The following PABPC4L variants were observed in gnomAD, a reference collection of about 807,000 sequenced individuals.
The protein encoded by PABPC4L is poly(A) binding protein cytoplasmic 4 like.
For synonymous variants in PABPC4L, 169 were observed against 164.1 expected (o/e 1.03, Z -0.23); for missense variants, 452 against 451.4 (o/e 1.00, Z -0.01).
the PABPC4L span, among the ~76,000 whole-genome samples, chr4:134,069,988 G>GTTT: frequency 0.43 from 45,761 of 107,540 alleles, 9,930 homozygotes; most frequent in East Asian, 0.85. Context: ...CCTTTGGAGG[G>GTTT]TTTTTTTTTT....
At chr4:134,073,468 G>C in the PABPC4L span, among the ~76,000 whole-genome samples, 1 of 152,172 alleles carries the variant, frequency 6.6e-6, no homozygotes, top group Non-Finnish European at 1.5e-5. Context: ...TTGCTTTCAC[G>C]GGCTGGTGTT....
the PABPC4L span, among the ~76,000 whole-genome samples, chr4:134,156,290 CAT>C: frequency 1.3e-5 from 2 of 151,884 alleles, no homozygotes; most frequent in African/African-American, 4.8e-5. Flanking sequence ...TTAACTGACT[CAT>C]AGAGCTTTTG....
At chr4:134,109,685 T>C in the PABPC4L span, among the ~76,000 whole-genome samples, 1 of 151,946 alleles carries the variant, frequency 6.6e-6, no homozygotes, top group Non-Finnish European at 1.5e-5. Context: ...AAATAATACA[T>C]TGATCACAAG....
At chr4:134,050,706 C>CAAAAAAAAAAAAA in the PABPC4L span, among the ~76,000 whole-genome samples, 1,805 of 82,624 alleles carry the variant, frequency 0.022, 51 homozygotes, top group Non-Finnish European at 0.031. Flanking sequence ...CACCGTCTCC[C>CAAAAAAAAAAAAA]AAAAAAAAAA....
At chr4:134,154,019 T>G in the PABPC4L span, among the ~76,000 whole-genome samples, 1 of 151,940 alleles carries the variant, frequency 6.6e-6, no homozygotes, top group East Asian at 1.9e-4. Context: ...TCTTTATAAA[T>G]GAAACGCGTC....
the PABPC4L span, among the ~76,000 whole-genome samples, chr4:133,962,033 A>T: frequency 6.6e-6 from 1 of 152,166 alleles, no homozygotes; most frequent in African/African-American, 2.4e-5. Context: ...AGCAATAAGA[A>T]AAAGGACCCC....
At chr4:134,030,208 G>A in the PABPC4L span, among the ~76,000 whole-genome samples, 1,326 of 152,094 alleles carry the variant, frequency 8.7e-3, 21 homozygotes, top group African/African-American at 0.03. Context: ...AAAGATACCC[G>A]AAAATGTGGG....
the PABPC4L span, among the ~76,000 whole-genome samples, chr4:134,190,057 C>T: frequency 6.6e-6 from 1 of 152,144 alleles, no homozygotes; most frequent in Non-Finnish European, 1.5e-5. Flanking sequence ...CCCCCAAGGA[C>T]TTTGTCTGCC....
In PABPC4L at chr4:134,200,913, A is replaced by C. The variant is rs1490892172; in HGVS notation, c.107T>G (p.Val36Gly). The C allele has an allele frequency of 6.4e-7, 1 of 1,560,866 alleles. No homozygotes were observed. Among genetic ancestry groups the C allele is most frequent in the South Asian group, 1.2e-5 (1 of 84,588 alleles). ...GTCCCTGCAAATGCGGATGGACAGC[A>C]CAGGCCCCACAGTGCTGAACTTCCT... Reference protein sequence around the residue: ...LFRKFSTVGPVLSIRICRDQV... With the variant: ...LFRKFSTVGPGLSIRICRDQV... The change falls in exon 2 of 2, where the codon GTG becomes GGG. Residue 36 changes from valine (V) to glycine (G), a missense_variant. By Grantham distance (109) the Val-to-Gly change is moderately radical. Coordinates refer to ENST00000421491, the MANE Select transcript of PABPC4L (RefSeq NM_001114734.2).
At chr4:134,170,467 T>C in the PABPC4L span, among the ~76,000 whole-genome samples, 1 of 152,090 alleles carries the variant, frequency 6.6e-6, no homozygotes, top group Admixed American at 6.6e-5. Context: ...TAGGTTTAAT[T>C]GCCTCACGGT....
the PABPC4L span, among the ~76,000 whole-genome samples, chr4:134,158,348 T>C: frequency 2.0e-5 from 3 of 152,150 alleles, no homozygotes; most frequent in African/African-American, 7.2e-5. Context: ...TAAACATATA[T>C]TCAATGTTTA....
At chr4:134,014,477 G>T in the PABPC4L span, among the ~76,000 whole-genome samples, 3 of 152,136 alleles carry the variant, frequency 2.0e-5, no homozygotes, top group Non-Finnish European at 4.4e-5. Context: ...CCAGGCCAAG[G>T]AATGCCTGCA....
the PABPC4L span, among the ~76,000 whole-genome samples, chr4:134,131,662 A>G: frequency 7.6e-6 from 1 of 132,346 alleles, no homozygotes; most frequent in African/African-American, 2.9e-5. Flanking sequence ...TCAAAATACC[A>G]CCATCATTCT....
the PABPC4L span, among the ~76,000 whole-genome samples, chr4:134,082,587 A>G: frequency 6.6e-6 from 1 of 152,090 alleles, no homozygotes; most frequent in Non-Finnish European, 1.5e-5. Context: ...TATTATAGAA[A>G]ATTGTGTAAA....
At chr4:134,139,389 A>T in the PABPC4L span, among the ~76,000 whole-genome samples, 1 of 151,978 alleles carries the variant, frequency 6.6e-6, no homozygotes, top group Non-Finnish European at 1.5e-5. Context: ...GACAACAATC[A>T]ATCAAAGTGA....
chr4:134,150,027 T>A, the PABPC4L span, among the ~76,000 whole-genome samples: 2 of 151,912 alleles, frequency 1.3e-5, no homozygotes, highest in African/African-American at 4.8e-5. Context: ...GGACAGACCA[T>A]TTTTGCTGTT....
the PABPC4L span, among the ~76,000 whole-genome samples, chr4:133,958,978 C>G: frequency 1.3e-5 from 2 of 152,194 alleles, no homozygotes; most frequent in African/African-American, 4.8e-5. Context: ...TCCAATCATA[C>G]TTCTTCACAA....
chr4:133,974,074 A>G, the PABPC4L span, among the ~76,000 whole-genome samples: 4 of 152,166 alleles, frequency 2.6e-5, no homozygotes, highest in Non-Finnish European at 5.9e-5. Flanking sequence ...AAGTAAAAAC[A>G]ATGTTGGATA....
At chr4:134,020,454 A>T in the PABPC4L span, among the ~76,000 whole-genome samples, 1 of 152,092 alleles carries the variant, frequency 6.6e-6, no homozygotes, top group African/African-American at 2.4e-5. Context: ...ATCTGGACAC[A>T]CCCAGGTCTG....
Sources: allele counts gnomAD v4.1 joint callset (sites outside exome capture counted in the v4.1 genomes callset), GRCh38; gene constraint gnomAD v4.1.1; transcripts MANE v1.5; gene names NCBI Gene and HGNC (gene_info 2026-07-23, HGNC 2026-07-21).